The following MEGF11 variants were observed in gnomAD, a reference collection of about 807,000 sequenced individuals.
MEGF11 encodes multiple EGF like domains 11.
Under a neutral mutation model 146.6 loss-of-function variants are expected in MEGF11, and 126 were observed. That is an observed-to-expected ratio of 0.86 (90% CI 0.74 to 1.00). The LOEUF (loss-of-function observed/expected upper bound fraction) is 1.00, where lower values mean the gene tolerates loss of function less well. MEGF11 is among the 50% of genes least tolerant of loss of function. The pLI, the probability that MEGF11 is intolerant of heterozygous loss-of-function variation, is 0.00. For synonymous variants in MEGF11, 532 were observed against 583.4 expected (o/e 0.91, Z 1.27); for missense variants, 1,509 against 1,521.2 (o/e 0.99, Z 0.13).
Position 66,156,211 on chromosome 15 carries a change from G to A in MEGF11, c.-8-27800C>T, listed in dbSNP as rs183181528. On this transcript the variant is annotated intron_variant, in intron 1 of 25. Coordinates refer to ENST00000395614, the MANE Select transcript of MEGF11 (RefSeq NM_001385028.1). ...TGGGTCCTCTCACAGCAGCCTGGAA[G>A]TGAATGTCCAGGCATGGCCCAGACA... Among the ~76,000 whole-genome samples, 513 of 152,288 alleles carry A rather than the reference G, an allele frequency of 3.4e-3. 3 individuals are homozygous for A. The highest frequency in any genetic ancestry group is 5.4e-3 in the Non-Finnish European group (368 of 68,018).
At chr15:66,189,213 C>T (rs1007206253) in intron 1 of MEGF11, among the ~76,000 whole-genome samples, 18 of 152,124 alleles carry the variant, frequency 1.2e-4, no homozygotes, top group Non-Finnish European at 1.9e-4. Flanking sequence ...CTGCGGAGCA[C>T]GGAGGATTAA....
At position 66,094,453 on chromosome 15, in the gene MEGF11, G is replaced by A; in HGVS notation, c.343C>T (p.Pro115Ser). 1 of 1,561,114 alleles carries A rather than the reference G, an allele frequency of 6.4e-7. No homozygotes were observed. Among genetic ancestry groups the A allele is most frequent in the Non-Finnish European group, 8.7e-7 (1 of 1,152,438 alleles). Residue 115 changes from proline to serine, a missense_variant, in exon 5 of 26, where the codon CCG (proline) becomes TCG (serine). Coordinates refer to ENST00000395614, the MANE Select transcript of MEGF11 (RefSeq NM_001385028.1). ...EECVHGRCVS[P>S]DTCHCEPGWG... Reference sequence around the variant, plus strand: ...CCAGGCTCGCAGTGGCAGGTGTCCGGGGAAACGCAGCGGCCGTGCACACAC... The same window carrying A: ...CCAGGCTCGCAGTGGCAGGTGTCCGAGGAAACGCAGCGGCCGTGCACACAC...
intron 1 of MEGF11, among the ~76,000 whole-genome samples, chr15:66,250,721 A>T (rs544614934): frequency 6.6e-6 from 1 of 152,340 alleles, no homozygotes; most frequent in East Asian, 1.9e-4. Context: ...AGCCTGGCCA[A>T]CATGGCAAAT....
chr15:65,974,690 C>T (rs1376446476), intron 7 of MEGF11, among the ~76,000 whole-genome samples: 1 of 152,160 alleles, frequency 6.6e-6, no homozygotes, highest in Middle Eastern at 3.4e-3. Flanking sequence ...AGGGGTCCTT[C>T]TTCCTCCTGG....
intron 7 of MEGF11, among the ~76,000 whole-genome samples, chr15:65,976,947 A>T (rs913756117): frequency 6.6e-6 from 1 of 152,114 alleles, no homozygotes; most frequent in Non-Finnish European, 1.5e-5. Flanking sequence ...GGGAGGGCAG[A>T]TCACAAGGTC....
chr15:66,112,224 AAAAG>A (rs1437206335), intron 4 of MEGF11, among the ~76,000 whole-genome samples: 2 of 152,206 alleles, frequency 1.3e-5, no homozygotes, highest in Middle Eastern at 3.2e-3. Context: ...AAGAGACTAT[AAAAG>A]AAATATGTTT....
chr15:65,974,888 C>A (rs555954808), intron 7 of MEGF11, among the ~76,000 whole-genome samples: 2 of 151,942 alleles, frequency 1.3e-5, no homozygotes, highest in Non-Finnish European at 2.9e-5. Context: ...TCTTGTTGCC[C>A]GGGCTGGAGT....
At chr15:66,097,196 G>A (rs1430900622) in intron 4 of MEGF11, among the ~76,000 whole-genome samples, 1 of 152,216 alleles carries the variant, frequency 6.6e-6, no homozygotes, top group Non-Finnish European at 1.5e-5. Flanking sequence ...AATATTGATA[G>A]CAAATACCCG....
intron 5 of MEGF11, among the ~76,000 whole-genome samples, chr15:65,992,920 G>A (rs1401516519): frequency 6.6e-6 from 1 of 152,196 alleles, no homozygotes; most frequent in African/African-American, 2.4e-5. Flanking sequence ...GGACATTGAG[G>A]ACCCAGGAGG....
At chr15:66,011,756 T>C (rs1181271601) in intron 5 of MEGF11, among the ~76,000 whole-genome samples, 1 of 150,530 alleles carries the variant, frequency 6.6e-6, no homozygotes, top group East Asian at 1.9e-4. Context: ...ATTAAACAAC[T>C]TAAATGGCCA....
chr15:66,035,036 C>G (rs1423625518), intron 5 of MEGF11, among the ~76,000 whole-genome samples: 2 of 152,122 alleles, frequency 1.3e-5, no homozygotes, highest in Non-Finnish European at 2.9e-5. Context: ...CCTTCAGAAC[C>G]ATGAGCTAAA....
intron 1 of MEGF11, among the ~76,000 whole-genome samples, chr15:66,171,273 CA>C (rs1436344553): frequency 6.6e-6 from 1 of 152,210 alleles, no homozygotes; most frequent in African/African-American, 2.4e-5. Flanking sequence ...TCTGCTCAAC[CA>C]CGGGGGCGGT....
intron 10 of MEGF11, among the ~76,000 whole-genome samples, chr15:65,949,045 T>G (rs575913615): frequency 2.8e-4 from 41 of 148,220 alleles, no homozygotes; most frequent in Non-Finnish European, 4.8e-4. Context: ...TAACAGCCTG[T>G]AGATCTCAGC....
intron 1 of MEGF11, among the ~76,000 whole-genome samples, chr15:66,204,741 G>C (rs994321572): frequency 6.6e-6 from 1 of 152,104 alleles, no homozygotes; most frequent in Non-Finnish European, 1.5e-5. Flanking sequence ...TCCCTACTTG[G>C]GAAGACCACC....
At chr15:65,932,698 C>T (rs2079621533) in intron 10 of MEGF11, among the ~76,000 whole-genome samples, 1 of 151,878 alleles carries the variant, frequency 6.6e-6, no homozygotes, top group Admixed American at 6.6e-5. Context: ...GGCTTTCTTC[C>T]CTGAGTCCCC....
rs142845610 is a variant in MEGF11 at position 66,123,960 on chromosome 15, C to T, written c.139G>A (p.Asp47Asn). The T allele has an allele frequency of 6.6e-4, 1,060 of 1,613,962 alleles. No individual in the cohort carries two copies. Among genetic ancestry groups the T allele is most frequent in the Middle Eastern group, 1.8e-3 (11 of 6,062 alleles). Residue 47 changes from aspartate (D) to asparagine (N), a missense_variant, in exon 3 of 26, where the codon GAT (aspartate) becomes AAT (asparagine). Physicochemically the swap from Asp to Asn is conservative, Grantham distance 23. Transcript: ENST00000395614. Reference sequence around the variant, plus strand: ...GTGCATCGTGTGTAATAGATCTGATCGAAGGGGTGTGCATACGATTCCTGG... The same window carrying T: ...GTGCATCGTGTGTAATAGATCTGATTGAAGGGGTGTGCATACGATTCCTGG... ...TVQESYAHPF[D>N]QIYYTRCTDI... is the part of the protein sequence containing the mutation.
chr15:65,914,052 G>C, intron 19 of MEGF11, 79 bp from the exon 20 acceptor site: 1 of 1,074,118 alleles, frequency 9.3e-7, no homozygotes, highest in South Asian at 1.4e-5. Context: ...TCAGATGCGT[G>C]TAACCCCTCT....
chr15:66,253,424 G>A (rs1377452297), intron 1 of MEGF11, among the ~76,000 whole-genome samples, 181 bp downstream of exon 1: 5 of 152,208 alleles, frequency 3.3e-5, no homozygotes, highest in Admixed American at 3.3e-4. Flanking sequence ...TACTCCCGGA[G>A]CCAAACTCGG....
chr15:65,905,434 G>A (rs1183741392), intron 24 of MEGF11: 6 of 152,244 alleles, frequency 3.9e-5, no homozygotes, highest in African/African-American at 1.4e-4. Context: ...ATGAGCAACA[G>A]AGTGGCAAGT....
Sources: allele counts gnomAD v4.1 joint callset (sites outside exome capture counted in the v4.1 genomes callset), GRCh38; gene constraint gnomAD v4.1.1; transcripts MANE v1.5; gene names NCBI Gene and HGNC (gene_info 2026-07-23, HGNC 2026-07-21).